The following GPM6A variants were observed in gnomAD, a reference collection of about 807,000 sequenced individuals.
GPM6A encodes the protein neuronal membrane glycoprotein M6-a.
GPM6A carries 7 observed loss-of-function variants against 32.1 expected under a neutral mutation model. The ratio of observed to expected loss-of-function variants is 0.22; its 90% CI spans 0.12 to 0.41. The LOEUF (loss-of-function observed/expected upper bound fraction) is 0.41. Among genes scored for constraint, GPM6A ranks in the 10% least tolerant of loss-of-function variants. GPM6A has a pLI of 1.00. For synonymous variants in GPM6A, 130 were observed against 123.4 expected (o/e 1.05, Z -0.35); for missense variants, 235 against 347.2 (o/e 0.68, Z 2.57).
At chr4:175,770,875 C>T (rs932427450) in intron 1 of GPM6A, among the ~76,000 whole-genome samples, 5 of 152,140 alleles carry the variant, frequency 3.3e-5, no homozygotes, top group African/African-American at 1.2e-4. Context: ...ACAACCTAGC[C>T]GATTTCTGCC....
chr4:175,772,002 T>C (rs1733210910), intron 1 of GPM6A, among the ~76,000 whole-genome samples: 2 of 152,208 alleles, frequency 1.3e-5, no homozygotes, highest in Admixed American at 1.3e-4. Flanking sequence ...CCCTTGGTCC[T>C]GTCATTTTCT....
chr4:175,878,631 A>T (rs982614886), intron 1 of GPM6A, among the ~76,000 whole-genome samples: 5 of 151,940 alleles, frequency 3.3e-5, no homozygotes, highest in Non-Finnish European at 7.4e-5. Context: ...GGCTCAAAAG[A>T]TCATTTTTTC....
At chr4:175,668,968 A>G (rs1157115473) in intron 3 of GPM6A, among the ~76,000 whole-genome samples, 1 of 152,134 alleles carries the variant, frequency 6.6e-6, no homozygotes, top group Non-Finnish European at 1.5e-5. Context: ...GCTTGAATTC[A>G]AATCTGGCTT....
chr4:175,841,450 T>C (rs1463401805), intron 1 of GPM6A, among the ~76,000 whole-genome samples: 2 of 152,032 alleles, frequency 1.3e-5, no homozygotes, highest in African/African-American at 4.8e-5. Flanking sequence ...TATTAAGAAA[T>C]ATGGTAAAAT....
chr4:175,764,520 A>G (rs993801753), intron 1 of GPM6A, among the ~76,000 whole-genome samples: 1 of 152,126 alleles, frequency 6.6e-6, no homozygotes, highest in African/African-American at 2.4e-5. Flanking sequence ...TTCTTTTCCA[A>G]ATAAAAATTA....
At chr4:175,690,922 GT>G (rs1407322647) in intron 2 of GPM6A, among the ~76,000 whole-genome samples, 1 of 152,190 alleles carries the variant, frequency 6.6e-6, no homozygotes, top group Non-Finnish European at 1.5e-5. Context: ...CTTAGGTAAA[GT>G]TTTTCTTCAA....
At chr4:175,731,835 G>A (rs972401890) in intron 1 of GPM6A, among the ~76,000 whole-genome samples, 1 of 152,036 alleles carries the variant, frequency 6.6e-6, no homozygotes, top group Non-Finnish European at 1.5e-5. Context: ...CTCCAGCCCC[G>A]CTAGCCTTGC....
chr4:175,744,325 G>T (rs1266114029), intron 1 of GPM6A, among the ~76,000 whole-genome samples: 1 of 151,974 alleles, frequency 6.6e-6, no homozygotes, highest in South Asian at 2.1e-4. Context: ...ATAAAAAGAG[G>T]GTATAGCTCC....
At chr4:175,841,267 C>T (rs1390212949) in intron 1 of GPM6A, among the ~76,000 whole-genome samples, 2 of 152,002 alleles carry the variant, frequency 1.3e-5, no homozygotes, top group South Asian at 2.1e-4. Context: ...GAGTAACATA[C>T]ATTTTATAAG....
intron 1 of GPM6A, among the ~76,000 whole-genome samples, chr4:175,749,827 C>T (rs1008121796): frequency 3.3e-5 from 5 of 152,120 alleles, no homozygotes. Context: ...ATGACAACTT[C>T]CCCACAACTG....
chr4:175,867,126 T>G (rs1736764417), intron 1 of GPM6A, among the ~76,000 whole-genome samples: 1 of 152,248 alleles, frequency 6.6e-6, no homozygotes, highest in Non-Finnish European at 1.5e-5. Context: ...CTGTCGAGTT[T>G]TAAGAGTCCT....
intron 1 of GPM6A, among the ~76,000 whole-genome samples, chr4:175,968,870 T>C (rs1740412387): frequency 6.6e-6 from 1 of 152,178 alleles, no homozygotes; most frequent in Non-Finnish European, 1.5e-5. Context: ...GAAAACAGTT[T>C]GGCAGTATTT....
intron 1 of GPM6A, among the ~76,000 whole-genome samples, chr4:175,820,500 C>CTTTTTTTTTTTTTTT (rs66569311): frequency 8.9e-6 from 1 of 112,128 alleles, no homozygotes; most frequent in African/African-American, 3.4e-5. Flanking sequence ...TCTTTTCTTT[C>CTTTTTTTTTTTTTTT]TTTTTTTTTT....
chr4:175,852,513 A>T (rs1736290762), intron 1 of GPM6A, among the ~76,000 whole-genome samples: 1 of 152,192 alleles, frequency 6.6e-6, no homozygotes, highest in South Asian at 2.1e-4. Flanking sequence ...AGGGCAAAGA[A>T]AAAGTGAACT....
intron 1 of GPM6A, among the ~76,000 whole-genome samples, chr4:175,901,385 T>C (rs1415755036): frequency 6.6e-6 from 1 of 151,996 alleles, no homozygotes; most frequent in Non-Finnish European, 1.5e-5. Context: ...CATGCCTGTA[T>C]CAAAATATTT....
chr4:175,932,112 AAG>A (rs1739069939), intron 1 of GPM6A, among the ~76,000 whole-genome samples: 1 of 151,674 alleles, frequency 6.6e-6, no homozygotes, highest in Non-Finnish European at 1.5e-5. Flanking sequence ...AAAAAAAAAA[AAG>A]AAAAAAAAAG....
chr4:175,732,925 G>A (rs749781881), intron 1 of GPM6A, among the ~76,000 whole-genome samples: 17 of 152,124 alleles, frequency 1.1e-4, no homozygotes, highest in Non-Finnish European at 2.2e-4. Flanking sequence ...TGAGGAAACT[G>A]AGACATAGAA....
chr4:175,758,692 G>A (rs1221134744), intron 1 of GPM6A, among the ~76,000 whole-genome samples: 1 of 152,156 alleles, frequency 6.6e-6, no homozygotes, highest in Middle Eastern at 3.2e-3. Context: ...TGTTCCTGGG[G>A]TTGTAACAGT....
chr4:175,973,683 CT>C (rs1010679932), intron 1 of GPM6A, among the ~76,000 whole-genome samples: 3 of 152,310 alleles, frequency 2.0e-5, no homozygotes, highest in African/African-American at 7.2e-5. Context: ...CTCAGCTCCC[CT>C]GGCTAGCCTC....
Sources: allele counts gnomAD v4.1 joint callset (sites outside exome capture counted in the v4.1 genomes callset), GRCh38; gene constraint gnomAD v4.1.1; transcripts MANE v1.5; gene names NCBI Gene and HGNC (gene_info 2026-07-23, HGNC 2026-07-21).